Variants in LSAMP observed in about 807,000 individuals in gnomAD.
LSAMP encodes limbic system-associated membrane protein.
In LSAMP, 7 loss-of-function variants were observed where a neutral mutation model predicts 38.6. The observed-to-expected ratio is 0.18, with a 90% confidence interval of 0.10 to 0.34. The LOEUF (loss-of-function observed/expected upper bound fraction) is 0.34, where lower values mean the gene tolerates loss of function less well. LSAMP is among the 10% of genes least tolerant of loss of function. The pLI is 1.00. For missense variants in LSAMP, 313 were observed against 420.0 expected (o/e 0.75, Z 2.23); for synonymous variants, 154 against 166.8 (o/e 0.92, Z 0.59).
chr3:116,107,211 G>A (rs369987293), intron 1 of LSAMP, among the ~76,000 whole-genome samples: 8 of 152,278 alleles, frequency 5.3e-5, no homozygotes, highest in African/African-American at 1.7e-4. Context: ...ATTGAAGTCC[G>A]GGCCAGGAAC....
At chr3:116,096,022 CTG>C (rs1708218766) in intron 1 of LSAMP, among the ~76,000 whole-genome samples, 1 of 152,172 alleles carries the variant, frequency 6.6e-6, no homozygotes, top group Non-Finnish European at 1.5e-5. Flanking sequence ...TTTATCCTCT[CTG>C]TGCATGTGTT....
intron 1 of LSAMP, among the ~76,000 whole-genome samples, chr3:116,390,719 AAC>A (rs1318575404): frequency 1.1e-4 from 15 of 142,786 alleles, no homozygotes; most frequent in Non-Finnish European, 7.5e-5. Flanking sequence ...CAGCCTGGGC[AAC>A]AGAGTGAGAC....
rs1014689812 is a variant in LSAMP at position 116,307,658 on chromosome 3, A to G, written c.155+137219T>C. Among the ~76,000 whole-genome samples the G allele has an allele frequency of 5.9e-5, 9 of 151,988 alleles. No homozygotes were observed. The South Asian group carries it at 1.7e-3, about 28-fold the overall frequency. ...AAGATTGGAGACAACTTAATGTCCAACAATAAAGGACTAGTTAAACAAATT... is the reference window on the plus strand; with the variant it reads ...AAGATTGGAGACAACTTAATGTCCAGCAATAAAGGACTAGTTAAACAAATT... On this transcript the variant is annotated intron_variant, in intron 1 of 6. Transcript: ENST00000490035.
chr3:116,319,002 G>A (rs1200344447), intron 1 of LSAMP, among the ~76,000 whole-genome samples: 2 of 150,842 alleles, frequency 1.3e-5, no homozygotes, highest in African/African-American at 4.9e-5. Context: ...GCTAGTTATC[G>A]ATGGCTTCCT....
intron 3 of LSAMP, among the ~76,000 whole-genome samples, chr3:115,894,255 T>C (rs1936674398): frequency 6.6e-6 from 1 of 152,040 alleles, no homozygotes. Context: ...AACATTTTAC[T>C]CACCACTAAC....
chr3:116,255,477 C>A (rs1197473363), intron 1 of LSAMP, among the ~76,000 whole-genome samples: 1 of 151,488 alleles, frequency 6.6e-6, no homozygotes, highest in Non-Finnish European at 1.5e-5. Flanking sequence ...TTTTCAACAG[C>A]CATTTTGAAA....
chr3:116,028,465 G>A (rs1326985400), intron 2 of LSAMP, among the ~76,000 whole-genome samples: 2 of 152,130 alleles, frequency 1.3e-5, no homozygotes, highest in African/African-American at 2.4e-5. Context: ...GCACTTTGTA[G>A]GTGCTTAACC....
intron 3 of LSAMP, among the ~76,000 whole-genome samples, chr3:116,014,485 A>AATAAAT (rs944262424): frequency 6.6e-6 from 1 of 152,212 alleles, no homozygotes; most frequent in Admixed American, 6.5e-5. Context: ...AAAAAATAAA[A>AATAAAT]ATATTGAAAA....
At chr3:115,888,160 C>T (rs1936504647) in intron 3 of LSAMP, among the ~76,000 whole-genome samples, 1 of 151,930 alleles carries the variant, frequency 6.6e-6, no homozygotes, top group Non-Finnish European at 1.5e-5. Flanking sequence ...TATACAATTA[C>T]TTTGATTTAG....
chr3:116,400,076 G>A (rs541311735), intron 1 of LSAMP, among the ~76,000 whole-genome samples: 1 of 152,096 alleles, frequency 6.6e-6, no homozygotes, highest in African/African-American at 2.4e-5. Context: ...AAATATTAAG[G>A]CTACAGTAAT....
At chr3:116,193,143 A>G (rs1320959591) in intron 1 of LSAMP, among the ~76,000 whole-genome samples, 2 of 152,214 alleles carry the variant, frequency 1.3e-5, no homozygotes, top group African/African-American at 4.8e-5. Flanking sequence ...TAAAATCATG[A>G]GTTAAAGGTT....
intron 1 of LSAMP, among the ~76,000 whole-genome samples, chr3:116,209,487 T>C (rs1467166282): frequency 6.6e-6 from 1 of 152,224 alleles, no homozygotes; most frequent in Non-Finnish European, 1.5e-5. Context: ...TTCCTATGCA[T>C]ATAGTTTTCC....
chr3:116,157,775 T>C (rs1404907854), intron 1 of LSAMP, among the ~76,000 whole-genome samples: 1 of 151,948 alleles, frequency 6.6e-6, no homozygotes, highest in Non-Finnish European at 1.5e-5. Flanking sequence ...CTACTAGATA[T>C]ATAAAGAAGA....
At chr3:116,165,442 A>C (rs1710026275) in intron 1 of LSAMP, among the ~76,000 whole-genome samples, 1 of 152,192 alleles carries the variant, frequency 6.6e-6, no homozygotes, top group Non-Finnish European at 1.5e-5. Flanking sequence ...CTAGTGGAGC[A>C]ATTGGAGGAT....
intron 2 of LSAMP, among the ~76,000 whole-genome samples, chr3:116,036,383 G>A (rs1248706252): frequency 6.6e-6 from 1 of 152,110 alleles, no homozygotes; most frequent in Non-Finnish European, 1.5e-5. Context: ...ATAGCCTCCT[G>A]CCTGACAGAG....
Position 116,085,133 on chromosome 3 carries a change from A to G in LSAMP, c.388+1191T>C, listed in dbSNP as rs373632151. On this transcript the variant is annotated intron_variant, in intron 2 of 6. Coordinates refer to ENST00000490035, the MANE Select transcript of LSAMP (RefSeq NM_002338.5). ...TAATGGAGCTTAAGTACGCTCTACT[A>G]AGCTACAAGAAAAACATCCTATGCT... Among the ~76,000 whole-genome samples the G allele has an allele frequency of 4.5e-4, 69 of 152,322 alleles. No homozygotes were observed. In the South Asian group the frequency reaches 5.0e-3, roughly 11 times the overall value.
chr3:115,909,930 G>C lies in LSAMP; in HGVS notation c.515-57313C>G, dbSNP rs77716638. Among the ~76,000 whole-genome samples the C allele has an allele frequency of 6.6e-5, 10 of 152,190 alleles. No homozygotes were observed. The East Asian group carries it at 1.5e-3, about 23-fold the overall frequency. ...TAAAAAGAAAACAAAAATTTATCCTGTTTCTGCAAATATGTTTATGGTAGT... is the reference window on the plus strand; with the variant it reads ...TAAAAAGAAAACAAAAATTTATCCTCTTTCTGCAAATATGTTTATGGTAGT... On this transcript the variant is annotated intron_variant, in intron 3 of 6. Transcript: ENST00000490035.
At chr3:115,838,524 C>T (rs912188878) in intron 6 of LSAMP, among the ~76,000 whole-genome samples, 1 of 152,160 alleles carries the variant, frequency 6.6e-6, no homozygotes, top group Non-Finnish European at 1.5e-5. Context: ...ATACATTGTG[C>T]CATTGGATTA....
Position 116,203,906 on chromosome 3 carries a change from G to T in LSAMP, c.156-117350C>A, listed in dbSNP as rs553324122. Among the ~76,000 whole-genome samples the T allele has an allele frequency of 7.2e-4, 110 of 152,246 alleles. 1 individual carries two copies. In the South Asian group the frequency reaches 0.022, roughly 31 times the overall value. On this transcript the variant is annotated intron_variant, in intron 1 of 6. Transcript: ENST00000490035. ...AGCAGCATGATTTAGACTCCCTTGG[G>T]TATATACCCAGTAATGGGATGGCTG... is the stretch of plus-strand genomic sequence containing the variant.
Sources: gnomAD v4.1 joint callset for allele counts (sites outside exome capture counted in the v4.1 genomes callset) on GRCh38, gnomAD v4.1.1 for gene constraint, MANE v1.5 for transcripts, NCBI Gene and HGNC (gene_info 2026-07-23, HGNC 2026-07-21) for gene names.